Variants in POFUT3 observed in about 807,000 individuals in gnomAD.
POFUT3 encodes GDP-fucose protein O-fucosyltransferase 3.
At chr8:33,332,463 C>G in the POFUT3 span, among the ~76,000 whole-genome samples, 1 of 121,512 alleles carries the variant, frequency 8.2e-6, no homozygotes, top group African/African-American at 3.1e-5. Flanking sequence ...CAAGCCTGGG[C>G]AACAGAGCAA....
At chr8:33,358,211 C>T in the POFUT3 span, among the ~76,000 whole-genome samples, 2 of 152,114 alleles carry the variant, frequency 1.3e-5, no homozygotes, top group Admixed American at 1.3e-4. Flanking sequence ...CAGGATGGTG[C>T]CATTGCACTC....
chr8:33,340,541 C>G, the POFUT3 span, among the ~76,000 whole-genome samples: 2 of 151,912 alleles, frequency 1.3e-5, no homozygotes, highest in East Asian at 3.9e-4. Flanking sequence ...ATAAGAAATT[C>G]TCTTAAACTA....
At chr8:33,422,303 G>A in the POFUT3 span, among the ~76,000 whole-genome samples, 15 of 151,718 alleles carry the variant, frequency 9.9e-5, no homozygotes, top group South Asian at 2.1e-3. Flanking sequence ...AGCACTTTGG[G>A]AGGCCAAGAT....
chr8:33,427,643 A>G, the POFUT3 span, among the ~76,000 whole-genome samples: 1 of 152,172 alleles, frequency 6.6e-6, no homozygotes, highest in African/African-American at 2.4e-5. Flanking sequence ...AAGAAAAAAA[A>G]TTGTAAAACA....
chr8:33,374,507 C>T, the POFUT3 span, among the ~76,000 whole-genome samples: 3 of 152,210 alleles, frequency 2.0e-5, no homozygotes, highest in Admixed American at 6.5e-5. Flanking sequence ...CCTGGTATCC[C>T]GAATTTGATC....
the POFUT3 span, among the ~76,000 whole-genome samples, chr8:33,327,003 C>CAA: frequency 6.6e-6 from 1 of 151,982 alleles, no homozygotes; most frequent in Non-Finnish European, 1.5e-5. Flanking sequence ...GTCTTGAATG[C>CAA]CTGGCCTTAA....
the POFUT3 span, among the ~76,000 whole-genome samples, chr8:33,419,907 C>T: frequency 6.6e-6 from 1 of 152,128 alleles, no homozygotes; most frequent in Non-Finnish European, 1.5e-5. Context: ...GCAGACAGAT[C>T]CCTTGAGACT....
At chr8:33,381,681 A>G in the POFUT3 span, among the ~76,000 whole-genome samples, 1 of 152,186 alleles carries the variant, frequency 6.6e-6, no homozygotes, top group South Asian at 2.1e-4. Context: ...CGAGTTCATC[A>G]TCTTAGCGTG....
the POFUT3 span, among the ~76,000 whole-genome samples, chr8:33,429,394 G>A: frequency 1.1e-4 from 16 of 152,168 alleles, no homozygotes; most frequent in Non-Finnish European, 1.5e-4. Context: ...TAGATCTGCC[G>A]TTGTGCATAA....
At chr8:33,403,729 A>T in the POFUT3 span, among the ~76,000 whole-genome samples, 7 of 152,128 alleles carry the variant, frequency 4.6e-5, no homozygotes, top group African/African-American at 1.2e-4. Context: ...CTTTTAAAAA[A>T]TTTTTTAAAT....
chr8:33,384,356 C>A, the POFUT3 span, among the ~76,000 whole-genome samples: 4 of 152,206 alleles, frequency 2.6e-5, no homozygotes, highest in Non-Finnish European at 5.9e-5. Context: ...GGCACAATTC[C>A]TTGAGGAGAA....
the POFUT3 span, among the ~76,000 whole-genome samples, chr8:33,369,058 T>C: frequency 1.3e-5 from 2 of 152,206 alleles, no homozygotes; most frequent in Admixed American, 6.5e-5. Context: ...GGTACTATCA[T>C]CAACGATTCC....
At chr8:33,456,771 CT>C in the POFUT3 span, among the ~76,000 whole-genome samples, 67,180 of 117,006 alleles carry the variant, frequency 0.57, 17,228 homozygotes, top group African/African-American at 0.65. Flanking sequence ...TTTCTTTTTT[CT>C]TTTTTTTTTT....
chr8:33,375,056 AT>A, the POFUT3 span, among the ~76,000 whole-genome samples: 255 of 148,776 alleles, frequency 1.7e-3, 2 homozygotes, highest in Non-Finnish European at 1.5e-3. Flanking sequence ...AATTTTTTTT[AT>A]TTTTTTTTAT....
chr8:33,393,819 C>T, the POFUT3 span, among the ~76,000 whole-genome samples: 20 of 152,164 alleles, frequency 1.3e-4, no homozygotes, highest in Non-Finnish European at 2.4e-4. Flanking sequence ...CTTTAGCACA[C>T]GAATGATGTG....
At chr8:33,408,849 G>A in the POFUT3 span, among the ~76,000 whole-genome samples, 2 of 152,058 alleles carry the variant, frequency 1.3e-5, no homozygotes, top group Non-Finnish European at 2.9e-5. Flanking sequence ...GTAAAGGAAA[G>A]GTTCTATATC....
At chr8:33,382,222 C>A in the POFUT3 span, among the ~76,000 whole-genome samples, 1 of 151,004 alleles carries the variant, frequency 6.6e-6, no homozygotes, top group Non-Finnish European at 1.5e-5. Context: ...AGCCTCGGAG[C>A]TGGAGGTTGC....
chr8:33,314,170 T>A, the POFUT3 span, among the ~76,000 whole-genome samples: 139 of 152,300 alleles, frequency 9.1e-4, 1 homozygote, highest in African/African-American at 3.0e-3. Context: ...CATGTTTCTG[T>A]CCTTTTCGTC....
At chr8:33,455,040 G>A in the POFUT3 span, among the ~76,000 whole-genome samples, 1 of 152,136 alleles carries the variant, frequency 6.6e-6, no homozygotes, top group Admixed American at 6.6e-5. Flanking sequence ...TAGGGAAAAT[G>A]AGTTATAAAT....
Sources: gnomAD v4.1 joint callset for allele counts (sites outside exome capture counted in the v4.1 genomes callset) on GRCh38, gnomAD v4.1.1 for gene constraint, MANE v1.5 for transcripts, NCBI Gene and HGNC (gene_info 2026-07-23, HGNC 2026-07-21) for gene names.